Variants in USP49 observed in about 807,000 individuals in gnomAD.
The protein encoded by USP49 is ubiquitin specific peptidase 49, also known as ubiquitin carboxyl-terminal hydrolase 49.
Under a neutral mutation model 58.6 loss-of-function variants are expected in USP49, and 24 were observed. That is an observed-to-expected ratio of 0.41 (90% CI 0.30 to 0.58). The LOEUF is 0.58. Among genes scored for constraint, USP49 ranks in the 20% least tolerant of loss-of-function variants. The pLI, the probability that USP49 is intolerant of heterozygous loss-of-function variation, is 0.30. For missense variants in USP49, 703 were observed against 866.1 expected, an observed-to-expected ratio of 0.81 and a Z score of 2.36; for synonymous variants, 408 against 365.1, an observed-to-expected ratio of 1.12 and a Z score of -1.34.
At position 41,799,708 on chromosome 6, in the gene USP49, C is replaced by CGA. The variant is rs1345439471; in HGVS notation, c.1670+120_1670+121dup. ...AACAGTTTAATCTCCATGGAAAACACGAGGTCTCAAGTGAACAGGCTTCCC... is the reference window on the plus strand; with the variant it reads ...AACAGTTTAATCTCCATGGAAAACACGAGAGGTCTCAAGTGAACAGGCTTCCC... On this transcript the variant is annotated intron_variant, in intron 6 of 7. Coordinates refer to ENST00000682992, the MANE Select transcript of USP49 (RefSeq NM_001286554.2). 15 of 795,630 alleles carry CGA rather than the reference C, an allele frequency of 1.9e-5. No homozygotes were observed. The East Asian group carries it at 3.3e-4, about 18-fold the overall frequency. The allele number at this position is 795,630 out of a possible 1,614,324, so 49.3% of individuals were successfully genotyped here.
chr6:41,849,334 G>A (rs1773979634), intron 3 of USP49, among the ~76,000 whole-genome samples: 9 of 152,092 alleles, frequency 5.9e-5, no homozygotes, highest in Admixed American at 5.9e-4. Flanking sequence ...GGGTAAAAGA[G>A]CAACACAATT....
intron 3 of USP49, among the ~76,000 whole-genome samples, chr6:41,839,391 C>A (rs1773781243): frequency 9.1e-6 from 1 of 109,894 alleles, no homozygotes; most frequent in African/African-American, 3.6e-5. Context: ...GACAATAGAG[C>A]CAGGCCTTGT....
rs1319914911 is a variant in USP49 at position 41,793,735 on chromosome 6, C to G, written c.*2798G>C. On this transcript the variant is annotated 3_prime_UTR_variant, in exon 8 of 8. Transcript: ENST00000682992. ...TGGATGTTCGTCTCAGAGGCAACCA[C>G]AGATATGAGGGTCAGGCTAGATTGA... The G allele has an allele frequency of 6.6e-6, 1 of 152,174 alleles. No individual in the cohort carries two copies. Among genetic ancestry groups the G allele is most frequent in the Non-Finnish European group, 1.5e-5 (1 of 68,044 alleles). The allele number at this position is 152,174 out of a possible 1,614,324, so 9.4% of individuals were successfully genotyped here.
In USP49 at chr6:41,792,346, CAGG is replaced by C. The variant is rs1342625765; in HGVS notation, c.*4184_*4186del. On this transcript the variant is annotated 3_prime_UTR_variant, in exon 8 of 8. Coordinates refer to ENST00000682992, the MANE Select transcript of USP49 (RefSeq NM_001286554.2). ...ATCAGAACCAATGAAGGTACCATTT[CAGG>C]AGGAATCATTTTTGTTTGACTTCTG... is the stretch of plus-strand genomic sequence containing the variant. The C allele has an allele frequency of 6.6e-6, 1 of 152,066 alleles. No homozygotes were observed. The highest frequency in any genetic ancestry group is 2.4e-5 in the African/African-American group (1 of 41,304). 9.4% of individuals were successfully genotyped at this position (152,066 alleles called of 1,614,324 possible). A position where few individuals can be genotyped will look rare whatever the true frequency, so the allele number is the denominator to read the frequency against.
chr6:41,844,603 G>A (rs889325355), intron 3 of USP49, among the ~76,000 whole-genome samples: 34 of 152,100 alleles, frequency 2.2e-4, no homozygotes, highest in Non-Finnish European at 4.4e-4. Flanking sequence ...GTGAGCCACC[G>A]CACCCGGCCA....
intron 2 of USP49, among the ~76,000 whole-genome samples, chr6:41,873,388 G>A (rs771882055): frequency 5.3e-5 from 8 of 152,206 alleles, no homozygotes; most frequent in Non-Finnish European, 1.2e-4. Context: ...GTGCAAATCA[G>A]TGGCACGAGG....
chr6:41,859,530 T>C (rs994030301), intron 3 of USP49, among the ~76,000 whole-genome samples: 7 of 152,170 alleles, frequency 4.6e-5, no homozygotes, highest in Admixed American at 1.3e-4. Flanking sequence ...TGTAATTGTC[T>C]GTCTGCTTGA....
intron 3 of USP49, among the ~76,000 whole-genome samples, chr6:41,817,277 A>G (rs1773371475): frequency 6.7e-6 from 1 of 149,414 alleles, no homozygotes; most frequent in Non-Finnish European, 1.5e-5. Context: ...CCTCCCGAGT[A>G]GCTGGGACTA....
rs1773370326 is a variant in USP49 at position 41,817,224 on chromosome 6, T to C, written c.-28-10213A>G. Among the ~76,000 whole-genome samples the C allele has an allele frequency of 2.1e-5, 3 of 144,248 alleles. No homozygotes were observed. The Admixed American group carries it at 2.1e-4, about 10-fold the overall frequency. The allele number at this position is 144,248 out of a possible 152,430, so 94.6% of individuals were successfully genotyped here. Reference sequence around the variant, plus strand: ...AGTGCAGTGGCGCGATCTCACTTACTGCAACCTCCGCCTCCCGGGTTCAAA... The same window carrying C: ...AGTGCAGTGGCGCGATCTCACTTACCGCAACCTCCGCCTCCCGGGTTCAAA... On this transcript the variant is annotated intron_variant, in intron 3 of 7. Transcript: ENST00000682992.
intron 3 of USP49, among the ~76,000 whole-genome samples, chr6:41,832,435 T>G (rs560369008): frequency 1.3e-5 from 2 of 152,370 alleles, no homozygotes; most frequent in South Asian, 4.1e-4. Flanking sequence ...AAATTGGGTA[T>G]GTGCAGGCAA....
Position 41,805,749 on chromosome 6 carries a change from TGCACCTTGTGCA to T in USP49, c.1223_1234del (p.Leu408_Val411del). ...GGTGCCCTCAGACTCGAGTTCCTGC[TGCACCTTGTGCA>T]GCAGCTCGCAGAGAAATTCCTGCGC... On this transcript the variant is annotated inframe_deletion, in exon 4 of 8. Coordinates refer to ENST00000682992, the MANE Select transcript of USP49 (RefSeq NM_001286554.2). The T allele has an allele frequency of 6.2e-7, 1 of 1,614,146 alleles. No individual in the cohort carries two copies. The highest frequency in any genetic ancestry group is 8.5e-7 in the Non-Finnish European group (1 of 1,180,026).
intron 2 of USP49, among the ~76,000 whole-genome samples, chr6:41,874,527 T>C (rs1774468284): frequency 6.6e-6 from 1 of 152,212 alleles, no homozygotes; most frequent in Non-Finnish European, 1.5e-5. Context: ...CTGTTACATA[T>C]ATTAACAAAT....
chr6:41,799,024 T>A, intron 6 of USP49, 95 bp from the exon 7 acceptor site: 1 of 1,472,726 alleles, frequency 6.8e-7, no homozygotes, highest in Non-Finnish European at 9.0e-7. Context: ...TGAGAAAATT[T>A]AACCTTCTGG....
At chr6:41,801,908 T>G (rs973585246) in intron 5 of USP49, among the ~76,000 whole-genome samples, 1 of 152,256 alleles carries the variant, frequency 6.6e-6, no homozygotes, top group African/African-American at 2.4e-5. Context: ...GAACAATCCT[T>G]TCTTGTAAAG....
At chr6:41,887,266 T>TA (rs1432007057) in intron 2 of USP49, 1 of 152,228 alleles carries the variant, frequency 6.6e-6, no homozygotes, top group African/African-American at 2.4e-5. Context: ...AGTATCCTCC[T>TA]AACTCACTAG....
Position 41,802,468 on chromosome 6 carries a change from A to ATT in USP49, c.1561+1336_1561+1337dup, listed in dbSNP as rs1178634996. Among the ~76,000 whole-genome samples, 11 of 73,900 alleles carry ATT rather than the reference A, an allele frequency of 1.5e-4. 1 individual carries two copies. The highest frequency in any genetic ancestry group is 6.0e-4 in the African/African-American group (11 of 18,298). The allele number at this position is 73,900 out of a possible 152,430, so 48.5% of individuals were successfully genotyped here. On this transcript the variant is annotated intron_variant, in intron 5 of 7. Coordinates refer to ENST00000682992, the MANE Select transcript of USP49 (RefSeq NM_001286554.2). The stretch of plus-strand genomic sequence containing the variant: ...TATTTATTTATTTATTTATTTATTT[A>ATT]TTTTTTATTTATTTTTTTTTTTTGA...
chr6:41,796,745 A>G, intron 7 of USP49, 22 bp from the exon 8 acceptor site: 1 of 714,188 alleles, frequency 1.4e-6, no homozygotes, highest in Non-Finnish European at 2.6e-6. Flanking sequence ...AAGGAGAAAA[A>G]GAGAGAAAAT....
chr6:41,830,996 C>A (rs1773623376), intron 3 of USP49, among the ~76,000 whole-genome samples: 1 of 152,092 alleles, frequency 6.6e-6, no homozygotes, highest in Non-Finnish European at 1.5e-5. Flanking sequence ...GTGACTCATG[C>A]CTGTAATCCC....
chr6:41,851,632 C>A (rs1774029371), intron 3 of USP49, among the ~76,000 whole-genome samples: 1 of 152,130 alleles, frequency 6.6e-6, no homozygotes, highest in Non-Finnish European at 1.5e-5. Context: ...AAGTTCTAGT[C>A]AGTGCAATTA....
Sources: allele counts gnomAD v4.1 joint callset (sites outside exome capture counted in the v4.1 genomes callset), GRCh38; gene constraint gnomAD v4.1.1; transcripts MANE v1.5; gene names NCBI Gene and HGNC (gene_info 2026-07-23, HGNC 2026-07-21).